NEBL: variants seen among roughly 807,000 people sequenced by gnomAD.
NEBL encodes the protein nebulette, also known as LIM and SH3 protein 2.
NEBL carries 122 observed loss-of-function variants against 140.2 expected under a neutral mutation model. That is an observed-to-expected ratio of 0.87 (90% CI 0.75 to 1.01). The LOEUF (loss-of-function observed/expected upper bound fraction) is 1.01. Ranked by LOEUF, NEBL falls within the 50% of genes least tolerant of loss-of-function variation. The pLI, the probability that NEBL is intolerant of heterozygous loss-of-function variation, is 0.00. For synonymous variants in NEBL, 436 were observed against 398.9 expected (o/e 1.09, Z -1.11); for missense variants, 1,365 against 1,231.3 (o/e 1.11, Z -1.62).
chr10:21,128,630 G>C (rs1838950846), intron 2 of NEBL, among the ~76,000 whole-genome samples: 1 of 152,022 alleles, frequency 6.6e-6, no homozygotes, highest in Non-Finnish European at 1.5e-5. Context: ...AGAAAAGAAA[G>C]TTCAGAATGG....
At chr10:20,915,370 G>C (rs1341241262) in intron 4 of NEBL, among the ~76,000 whole-genome samples, 2 of 149,918 alleles carry the variant, frequency 1.3e-5, no homozygotes, top group African/African-American at 2.5e-5. Context: ...TCAGCATCTA[G>C]CATTAGGTAT....
Position 21,036,201 on chromosome 10 carries a change from C to T in NEBL, c.165-16000G>A, listed in dbSNP as rs1468080857. ...AAAGGACAGGCACAGTGGCTCATGC[C>T]TAAAATCACAGCATTTTGGGAGGCC... On this transcript the variant is annotated intron_variant, in intron 2 of 6. Transcript: ENST00000417816. Among the ~76,000 whole-genome samples, 4 of 152,008 alleles carry T rather than the reference C, an allele frequency of 2.6e-5. No individual in the cohort carries two copies. The East Asian group carries it at 7.7e-4, about 29-fold the overall frequency.
intron 12 of NEBL, among the ~76,000 whole-genome samples, chr10:20,842,975 T>C (rs1841535586): frequency 6.6e-6 from 1 of 152,080 alleles, no homozygotes; most frequent in Admixed American, 6.6e-5. Flanking sequence ...TGTCTTTCAG[T>C]GCCTGGCTTA....
At chr10:21,123,796 A>G (rs1467266297) in intron 2 of NEBL, among the ~76,000 whole-genome samples, 1 of 150,574 alleles carries the variant, frequency 6.6e-6, no homozygotes, top group Non-Finnish European at 1.5e-5. Context: ...TATATATTAT[A>G]TAAATATACA....
chr10:20,946,474 G>A (rs916397670), intron 4 of NEBL, among the ~76,000 whole-genome samples: 2 of 151,908 alleles, frequency 1.3e-5, no homozygotes, highest in African/African-American at 4.8e-5. Context: ...TTTGTTTGTT[G>A]GTTTTGAGAC....
chr10:20,792,076 G>A lies in NEBL; in HGVS notation c.2762-4768C>T, dbSNP rs116864244. Among the ~76,000 whole-genome samples, 376 of 149,166 alleles carry A rather than the reference G, an allele frequency of 2.5e-3. 10 individuals carry two copies. In the East Asian group the frequency reaches 0.065, roughly 26 times the overall value. On this transcript the variant is annotated intron_variant, in intron 26 of 27. Transcript: ENST00000377122. ...CAAAGAAAAGGTGAAGGTTTTGAAG[G>A]CCCCTCAATGACTATAGAGATACAG...
intron 3 of NEBL, among the ~76,000 whole-genome samples, chr10:20,995,101 C>A (rs1837613964): frequency 6.6e-6 from 1 of 152,164 alleles, no homozygotes; most frequent in South Asian, 2.1e-4. Flanking sequence ...GGCATGGGGA[C>A]CCCCCTCACC....
At chr10:20,899,331 A>G, upstream of NEBL, 1 of 1,137,632 alleles carries the variant, frequency 8.8e-7, no homozygotes, top group Non-Finnish European at 1.2e-6. Context: ...TTGAGGAGAC[A>G]GTACTGGTGT....
At chr10:20,899,068 G>A (rs978872140), upstream of NEBL, among the ~76,000 whole-genome samples, 1 of 152,174 alleles carries the variant, frequency 6.6e-6, no homozygotes, top group South Asian at 2.1e-4. Context: ...TGCTGGCCCA[G>A]TGTAGTGGAT....
intron 2 of NEBL, among the ~76,000 whole-genome samples, chr10:21,053,706 G>A (rs1281637169): frequency 1.3e-5 from 2 of 152,090 alleles, no homozygotes; most frequent in African/African-American, 4.8e-5. Context: ...AACATGAAGG[G>A]TCGCGTGTGA....
At chr10:20,961,629 T>G in intron 4 of NEBL, 2 of 1,374,322 alleles carry the variant, frequency 1.5e-6, no homozygotes, top group Non-Finnish European at 2.1e-6. Context: ...CATCCAGAAA[T>G]GCACATCAGA....
intron 3 of NEBL, among the ~76,000 whole-genome samples, chr10:20,972,916 GA>G (rs1836642595): frequency 6.6e-6 from 1 of 152,044 alleles, no homozygotes; most frequent in African/African-American, 2.4e-5. Flanking sequence ...AAATCTCCTA[GA>G]ATTTTTTACA....
chr10:21,235,567 A>C (rs1004189369), intron 3 of NEBL, among the ~76,000 whole-genome samples: 1 of 152,120 alleles, frequency 6.6e-6, no homozygotes, highest in Non-Finnish European at 1.5e-5. Flanking sequence ...CAGCCACCTC[A>C]GCCTCCCAAA....
intron 7 of NEBL, among the ~76,000 whole-genome samples, chr10:20,860,608 A>AC (rs1426615140): frequency 6.7e-6 from 1 of 148,840 alleles, no homozygotes; most frequent in Non-Finnish European, 1.5e-5. Flanking sequence ...CACATGTCAT[A>AC]CCCCCTTTAA....
chr10:20,977,798 T>C (rs1055976859), intron 3 of NEBL, among the ~76,000 whole-genome samples: 2 of 152,198 alleles, frequency 1.3e-5, no homozygotes, highest in African/African-American at 4.8e-5. Context: ...CAGTTTGCCC[T>C]AATACGTTGC....
chr10:21,168,900 T>C (rs1263005882), intron 2 of NEBL, among the ~76,000 whole-genome samples: 3 of 149,628 alleles, frequency 2.0e-5, no homozygotes, highest in Non-Finnish European at 3.0e-5. Flanking sequence ...ATACAAAAAA[T>C]TAGCCGGGCT....
At chr10:21,212,760 T>C (rs1841937953) in intron 3 of NEBL, among the ~76,000 whole-genome samples, 1 of 152,192 alleles carries the variant, frequency 6.6e-6, no homozygotes, top group Non-Finnish European at 1.5e-5. Flanking sequence ...AGTTTTATTT[T>C]TGAAATACTT....
chr10:20,887,960 C>T, intron 4 of NEBL, 137 bp downstream of exon 4: 2 of 702,878 alleles, frequency 2.8e-6, no homozygotes, highest in South Asian at 3.1e-5. Flanking sequence ...CTACTGACAG[C>T]ACATTAATCA....
At chr10:21,162,061 C>A (rs1257026923) in intron 2 of NEBL, among the ~76,000 whole-genome samples, 1 of 152,126 alleles carries the variant, frequency 6.6e-6, no homozygotes, top group African/African-American at 2.4e-5. Context: ...AATCACATCA[C>A]CAATGAGTCA....
Sources: allele counts gnomAD v4.1 joint callset (sites outside exome capture counted in the v4.1 genomes callset), GRCh38; gene constraint gnomAD v4.1.1; transcripts MANE v1.5; gene names NCBI Gene and HGNC (gene_info 2026-07-23, HGNC 2026-07-21).